Variants in SLC1A2 observed in about 807,000 individuals in gnomAD.
The protein encoded by SLC1A2 is excitatory amino acid transporter 2.
A neutral mutation model predicts 48.8 loss-of-function variants in SLC1A2; 15 were observed. That is an observed-to-expected ratio of 0.31 (90% confidence interval 0.21 to 0.47). The LOEUF is 0.47. Ranked by LOEUF, SLC1A2 falls within the 20% of genes least tolerant of loss-of-function variation. The pLI is 0.99. For missense variants in SLC1A2, 502 were observed against 730.5 expected, an observed-to-expected ratio of 0.69 and a Z score of 3.61; for synonymous variants, 279 against 272.6, an observed-to-expected ratio of 1.02 and a Z score of -0.23.
At chr11:35,279,212 A>G (rs913240089) in intron 9 of SLC1A2, among the ~76,000 whole-genome samples, 4 of 152,206 alleles carry the variant, frequency 2.6e-5, no homozygotes, top group Non-Finnish European at 1.5e-5. Flanking sequence ...ATTTAACTCC[A>G]GTGCTGGACA....
At position 35,254,991 on chromosome 11, in the gene SLC1A2, C is replaced by T. The variant is rs759852331; in HGVS notation, c.*5903G>A. On this transcript the variant is annotated 3_prime_UTR_variant, in exon 11 of 11. Transcript: ENST00000278379. Reference sequence around the variant, plus strand: ...CTTTTCTACAGGTTCTTATCTGGGTCAATGAAGAAATTGTGTTTATCTTGC... The same window carrying T: ...CTTTTCTACAGGTTCTTATCTGGGTTAATGAAGAAATTGTGTTTATCTTGC... The T allele has an allele frequency of 7.0e-6, 2 of 285,754 alleles. No homozygotes were observed. Among genetic ancestry groups the T allele is most frequent in the Non-Finnish European group, 1.4e-5 (2 of 144,548 alleles). The allele number at this position is 285,754 out of a possible 1,614,324, so 17.7% of individuals were successfully genotyped here.
chr11:35,255,166 T>G lies in SLC1A2; in HGVS notation c.*5728A>C. 4.3e-6 allele frequency: 1 copy of G among 233,778 alleles called. No individual in the cohort carries two copies. The allele number at this position is 233,778 out of a possible 1,614,324, so 14.5% of individuals were successfully genotyped here. On this transcript the variant is annotated 3_prime_UTR_variant, in exon 11 of 11. Transcript: ENST00000278379. Reference sequence around the variant, plus strand: ...ACAAAGGAGTTCACAACACAACAAATACCAACACTACTCTATTTAGCAGAA... The same window carrying G: ...ACAAAGGAGTTCACAACACAACAAAGACCAACACTACTCTATTTAGCAGAA...
Position 35,361,682 on chromosome 11 carries a change from A to C in SLC1A2, c.18-44166T>G, listed in dbSNP as rs999787223. ...ATTTAGTCTTAGGGTAGAAAGGAAT[A>C]AAGGCTTTTGTCAGCTGGGTACGGT... On this transcript the variant is annotated intron_variant, in intron 1 of 10. Coordinates refer to ENST00000278379, the MANE Select transcript of SLC1A2 (RefSeq NM_004171.4). 3.8e-4 allele frequency among the ~76,000 whole-genome samples: 58 copies of C among 152,168 alleles called. 1 individual carries two copies. Among genetic ancestry groups the C allele is most frequent in the African/African-American group, 1.2e-3 (49 of 41,438 alleles).
rs373988431 is a variant in SLC1A2 at position 35,333,827 on chromosome 11, ATTTT to A, written c.18-16315_18-16312del. Among the ~76,000 whole-genome samples the A allele has an allele frequency of 5.2e-3, 659 of 126,188 alleles. 5 individuals carry two copies. The highest frequency in any genetic ancestry group is 0.019 in the African/African-American group (616 of 33,186). 82.8% of individuals were successfully genotyped at this position (126,188 alleles called of 152,430 possible). ...CAGGCATGCACCACCATGCCAGCTA[ATTTT>A]TTTTTTTTTTTTTTTTTTTGTATTT... On this transcript the variant is annotated intron_variant, in intron 1 of 10. Transcript: ENST00000278379.
chr11:35,364,239 G>A (rs914103723), intron 1 of SLC1A2, among the ~76,000 whole-genome samples: 3 of 152,206 alleles, frequency 2.0e-5, no homozygotes, highest in African/African-American at 7.2e-5. Context: ...GGAGAGTTAA[G>A]CAATGGAAAG....
intron 3 of SLC1A2, among the ~76,000 whole-genome samples, 174 bp from the exon 4 acceptor site, chr11:35,312,622 C>A (rs941096378): frequency 1.5e-4 from 23 of 152,210 alleles, no homozygotes; most frequent in African/African-American, 4.8e-4. Flanking sequence ...GGACTCCCAA[C>A]AGATACCAAA....
chr11:35,408,536 C>T (rs965053905), intron 1 of SLC1A2, among the ~76,000 whole-genome samples: 3 of 152,186 alleles, frequency 2.0e-5, no homozygotes, highest in African/African-American at 2.4e-5. Context: ...TTTCACCTCT[C>T]GCCATGAATC....
chr11:35,314,794 T>C (rs1210176402), intron 3 of SLC1A2, among the ~76,000 whole-genome samples: 1 of 150,752 alleles, frequency 6.6e-6, no homozygotes, highest in Non-Finnish European at 1.5e-5. Flanking sequence ...TCTTTTTTTT[T>C]TTTTCTTTTT....
intron 1 of SLC1A2, among the ~76,000 whole-genome samples, chr11:35,389,573 C>A (rs1450575143): frequency 6.6e-6 from 1 of 152,072 alleles, no homozygotes; most frequent in South Asian, 2.1e-4. Context: ...CGGGTTCAAG[C>A]GATTCTCCTG....
chr11:35,370,033 AG>A lies in SLC1A2; in HGVS notation c.17+48916del, dbSNP rs544726645. Among the ~76,000 whole-genome samples the A allele has an allele frequency of 2.8e-3, 425 of 152,310 alleles. 2 individuals carry two copies. The highest frequency in any genetic ancestry group is 4.4e-3 in the Non-Finnish European group (296 of 68,028). ...GATTCAGGCAGAACAGTGTGGGCAA[AG>A]GCATGAAGGGAAAAGTATACGTGAC... On this transcript the variant is annotated intron_variant, in intron 1 of 10. Transcript: ENST00000278379.
intron 1 of SLC1A2, among the ~76,000 whole-genome samples, chr11:35,394,424 G>A (rs10836389): frequency 0.31 from 47,762 of 151,912 alleles, 10,033 homozygotes; most frequent in African/African-American, 0.6. Flanking sequence ...GTGAAAGGCC[G>A]CTTTTCAAAA....
At chr11:35,358,973 A>G (rs1190374501) in intron 1 of SLC1A2, among the ~76,000 whole-genome samples, 4 of 151,860 alleles carry the variant, frequency 2.6e-5, no homozygotes, top group Non-Finnish European at 5.9e-5. Flanking sequence ...TAGTACTATT[A>G]AAAAATACCT....
chr11:35,274,172 G>T, intron 9 of SLC1A2, among the ~76,000 whole-genome samples: 1 of 152,308 alleles, frequency 6.6e-6, no homozygotes, highest in East Asian at 1.9e-4. Context: ...TCGATGAAGG[G>T]GAGACGACTT....
chr11:35,346,083 G>T (rs1853022751), intron 1 of SLC1A2, among the ~76,000 whole-genome samples: 1 of 151,702 alleles, frequency 6.6e-6, no homozygotes, highest in Admixed American at 6.6e-5. Flanking sequence ...TATACTTTAA[G>T]TTCTGGCATC....
intron 9 of SLC1A2, among the ~76,000 whole-genome samples, chr11:35,277,071 CA>C (rs1042211846): frequency 1.3e-5 from 2 of 152,140 alleles, no homozygotes; most frequent in African/African-American, 2.4e-5. Context: ...TATAATGCAC[CA>C]ACCCCACTCA....
At chr11:35,314,858 C>A in intron 3 of SLC1A2, 165 bp downstream of exon 3, 2 of 371,584 alleles carry the variant, frequency 5.4e-6, no homozygotes, top group Non-Finnish European at 9.7e-6. Context: ...GCTTTTATTT[C>A]TTTAGGGTTG....
intron 10 of SLC1A2, among the ~76,000 whole-genome samples, chr11:35,263,013 A>T (rs1369997851): frequency 6.6e-6 from 1 of 152,210 alleles, no homozygotes; most frequent in East Asian, 1.9e-4. Flanking sequence ...TCCATTCAAC[A>T]AATATTTATT....
chr11:35,283,600 C>T (rs1271234129), intron 8 of SLC1A2, among the ~76,000 whole-genome samples: 1 of 152,032 alleles, frequency 6.6e-6, no homozygotes, highest in Non-Finnish European at 1.5e-5. Flanking sequence ...GTCCATTCTC[C>T]CATCTGTAAG....
chr11:35,322,837 T>C, intron 1 of SLC1A2: 1 of 677,162 alleles, frequency 1.5e-6, no homozygotes, highest in Non-Finnish European at 2.7e-6. Flanking sequence ...ATCCAGGGTT[T>C]CCCCCAGCTC....
Sources: gnomAD v4.1 joint callset for allele counts (sites outside exome capture counted in the v4.1 genomes callset) on GRCh38, gnomAD v4.1.1 for gene constraint, MANE v1.5 for transcripts, NCBI Gene and HGNC (gene_info 2026-07-23, HGNC 2026-07-21) for gene names.